NAV3: variants seen among roughly 807,000 people sequenced by gnomAD.
The protein encoded by NAV3 is pore membrane and/or filament interacting like protein 1.
Under a neutral mutation model 244.7 loss-of-function variants are expected in NAV3, and 87 were observed. The ratio of observed to expected loss-of-function variants is 0.36; its 90% CI spans 0.30 to 0.42. NAV3 has a LOEUF of 0.42. Ranked by LOEUF, NAV3 falls within the 20% of genes least tolerant of loss-of-function variation. The pLI, the probability that NAV3 is intolerant of heterozygous loss-of-function variation, is 1.00. For synonymous variants in NAV3, 1,126 were observed against 1,042.2 expected (o/e 1.08, Z -1.55); for missense variants, 2,663 against 2,893.3 (o/e 0.92, Z 1.83).
At chr12:77,621,636 C>A (rs923925777) in intron 2 of NAV3, among the ~76,000 whole-genome samples, 1 of 151,906 alleles carries the variant, frequency 6.6e-6, no homozygotes, top group Non-Finnish European at 1.5e-5. Context: ...CAAGCCACCA[C>A]GCCCAGCTAA....
chr12:77,808,742 A>C (rs1425535478), intron 2 of NAV3, among the ~76,000 whole-genome samples: 1 of 152,242 alleles, frequency 6.6e-6, no homozygotes, highest in African/African-American at 2.4e-5. Context: ...GACGGCAAGC[A>C]GGAATGTTTA....
At chr12:78,155,216 C>G (rs955460235) in intron 22 of NAV3, among the ~76,000 whole-genome samples, 2 of 151,998 alleles carry the variant, frequency 1.3e-5, no homozygotes, top group Non-Finnish European at 1.5e-5. Flanking sequence ...TTGTTCCCCA[C>G]CATGTGCCCA....
At chr12:77,639,246 AT>A (rs1342615342) in intron 2 of NAV3, among the ~76,000 whole-genome samples, 1 of 152,188 alleles carries the variant, frequency 6.6e-6, no homozygotes, top group Non-Finnish European at 1.5e-5. Context: ...AATGTCCTTC[AT>A]TCATTAACTT....
intron 2 of NAV3, among the ~76,000 whole-genome samples, chr12:77,661,084 T>C (rs1341331595): frequency 2.0e-5 from 3 of 152,160 alleles, no homozygotes; most frequent in African/African-American, 4.8e-5. Flanking sequence ...GTCTAAAATA[T>C]ATGTTTTAAT....
chr12:77,751,931 G>C (rs916184297), intron 2 of NAV3, among the ~76,000 whole-genome samples: 3 of 152,096 alleles, frequency 2.0e-5, no homozygotes, highest in African/African-American at 7.2e-5. Context: ...TGTCTTCAGG[G>C]AGATATTTTT....
intron 12 of NAV3, among the ~76,000 whole-genome samples, chr12:78,109,986 G>A (rs2853470): frequency 0.36 from 54,822 of 151,746 alleles, 10,691 homozygotes; most frequent in Non-Finnish European, 0.46. Flanking sequence ...ATCTAAATTG[G>A]GAAGAGCAAG....
At chr12:77,889,140 C>T (rs183008011) in intron 1 of NAV3, among the ~76,000 whole-genome samples, 8 of 152,252 alleles carry the variant, frequency 5.3e-5, no homozygotes, top group African/African-American at 1.9e-4. Flanking sequence ...TATATGAAGG[C>T]GTCTGGATGA....
intron 2 of NAV3, among the ~76,000 whole-genome samples, chr12:77,800,210 G>A (rs1384132050): frequency 1.3e-5 from 2 of 150,270 alleles, no homozygotes; most frequent in African/African-American, 4.9e-5. Context: ...CATAGTAAAG[G>A]CCAAAAGGGA....
At chr12:77,953,653 G>T (rs995028649) in intron 3 of NAV3, among the ~76,000 whole-genome samples, 4 of 152,070 alleles carry the variant, frequency 2.6e-5, no homozygotes, top group Non-Finnish European at 4.4e-5. Flanking sequence ...ATTTGAGATG[G>T]GAAAGGAAAG....
At chr12:78,006,314 G>T (rs953333488) in intron 7 of NAV3, 105 bp from the exon 8 acceptor site, 7 of 1,042,154 alleles carry the variant, frequency 6.7e-6, no homozygotes, top group African/African-American at 3.2e-5. Context: ...TCAGTTCAGA[G>T]GAGAGAGACT....
At chr12:78,128,608 T>A in intron 17 of NAV3, 98 bp from the exon 18 acceptor site, 3 of 1,206,952 alleles carry the variant, frequency 2.5e-6, no homozygotes, top group Non-Finnish European at 3.5e-6. Flanking sequence ...TTGAAATTGT[T>A]CATTCTGAAT....
intron 1 of NAV3, among the ~76,000 whole-genome samples, chr12:77,866,572 T>C (rs1039299584): frequency 3.3e-5 from 5 of 152,200 alleles, no homozygotes; most frequent in African/African-American, 9.6e-5. Flanking sequence ...TAAGATTTTA[T>C]AGTTTAATTA....
chr12:77,841,697 CTA>C (rs1421880848), intron 1 of NAV3, among the ~76,000 whole-genome samples: 1 of 152,110 alleles, frequency 6.6e-6, no homozygotes, highest in Admixed American at 6.6e-5. Context: ...ACAATAGAGA[CTA>C]TGTGGCTTGC....
At chr12:77,828,211 G>A (rs1401788659), upstream of NAV3, among the ~76,000 whole-genome samples, 2 of 152,086 alleles carry the variant, frequency 1.3e-5, no homozygotes, top group East Asian at 1.9e-4. Flanking sequence ...TTATAAAAGC[G>A]AGCTTGGCCC....
At chr12:77,607,475 C>T (rs1221989338) in intron 2 of NAV3, among the ~76,000 whole-genome samples, 1 of 152,076 alleles carries the variant, frequency 6.6e-6, no homozygotes, top group Non-Finnish European at 1.5e-5. Flanking sequence ...TTGCCTAGAG[C>T]TATCCCTGAT....
chr12:78,140,394 A>C (rs1451230158), intron 20 of NAV3, 60 bp downstream of exon 20: 3 of 1,353,386 alleles, frequency 2.2e-6, no homozygotes, highest in Non-Finnish European at 3.2e-6. Flanking sequence ...ATGATGAAAT[A>C]GATCATTTTA....
intron 12 of NAV3, among the ~76,000 whole-genome samples, chr12:78,068,979 T>C (rs1005067861): frequency 6.6e-6 from 1 of 151,614 alleles, no homozygotes; most frequent in African/African-American, 2.4e-5. Context: ...ATGAATTCTT[T>C]TTTTTTTTTA....
intron 2 of NAV3, among the ~76,000 whole-genome samples, chr12:77,792,238 C>T (rs1871211258): frequency 6.6e-6 from 1 of 152,166 alleles, no homozygotes; most frequent in African/African-American, 2.4e-5. Context: ...GTATAAAGTT[C>T]AGTTCACAAA....
At chr12:77,719,423 G>C (rs1436794922) in intron 2 of NAV3, among the ~76,000 whole-genome samples, 1 of 150,122 alleles carries the variant, frequency 6.7e-6, no homozygotes, top group African/African-American at 2.4e-5. Context: ...TTTGACAGTT[G>C]AGTATGATTT....
Sources: allele counts gnomAD v4.1 joint callset (sites outside exome capture counted in the v4.1 genomes callset), GRCh38; gene constraint gnomAD v4.1.1; transcripts MANE v1.5; gene names NCBI Gene and HGNC (gene_info 2026-07-23, HGNC 2026-07-21).